Variants in ASIC2 observed in about 807,000 individuals in gnomAD.
The protein encoded by ASIC2 is acid sensing ion channel subunit 2.
In ASIC2, 25 loss-of-function variants were observed where a neutral mutation model predicts 57.3. The ratio of observed to expected loss-of-function variants is 0.44; its 90% CI spans 0.32 to 0.61. The LOEUF is 0.61. ASIC2 is among the 20% of genes least tolerant of loss of function. The pLI is 0.06. For missense variants in ASIC2, 641 were observed against 738.1 expected, an observed-to-expected ratio of 0.87 and a Z score of 1.52; for synonymous variants, 319 against 307.5, an observed-to-expected ratio of 1.04 and a Z score of -0.39.
intron 1 of ASIC2, among the ~76,000 whole-genome samples, chr17:33,799,747 T>C (rs1912076234): frequency 6.6e-6 from 1 of 151,608 alleles, no homozygotes; most frequent in Non-Finnish European, 1.5e-5. Flanking sequence ...AGTCTCAGGG[T>C]GACTATAGCT....
chr17:33,788,506 G>A (rs985829076), intron 1 of ASIC2, among the ~76,000 whole-genome samples: 4 of 152,100 alleles, frequency 2.6e-5, no homozygotes, highest in African/African-American at 7.2e-5. Flanking sequence ...GATTCCTCAA[G>A]GATCTAGAAC....
At chr17:33,436,813 C>A (rs1459203638) in intron 1 of ASIC2, among the ~76,000 whole-genome samples, 1 of 148,028 alleles carries the variant, frequency 6.8e-6, no homozygotes, top group Non-Finnish European at 1.5e-5. Flanking sequence ...CAATAGCAAC[C>A]TATAAGGAAC....
intron 1 of ASIC2, among the ~76,000 whole-genome samples, chr17:33,765,530 A>G (rs1354832839): frequency 2.0e-5 from 3 of 152,172 alleles, no homozygotes; most frequent in Non-Finnish European, 2.9e-5. Context: ...ATTTCCTGTC[A>G]CTTTCAGGAA....
At chr17:33,517,223 C>A (rs1360244451) in intron 1 of ASIC2, among the ~76,000 whole-genome samples, 1 of 152,226 alleles carries the variant, frequency 6.6e-6, no homozygotes, top group Non-Finnish European at 1.5e-5. Flanking sequence ...TCAAGTGATT[C>A]TCCTGCCTCA....
At chr17:33,972,378 TAA>T (rs1457622794) in intron 1 of ASIC2, among the ~76,000 whole-genome samples, 1 of 152,262 alleles carries the variant, frequency 6.6e-6, no homozygotes, top group South Asian at 2.1e-4. Flanking sequence ...CTCTAAACTC[TAA>T]AAGAGTAGTT....
intron 3 of ASIC2, among the ~76,000 whole-genome samples, chr17:33,054,502 C>T (rs2091990228): frequency 6.6e-6 from 1 of 152,162 alleles, no homozygotes; most frequent in Admixed American, 6.5e-5. Context: ...ATTGTGCAGT[C>T]ATGTGAGGGA....
chr17:33,482,296 C>T (rs1344672031), intron 1 of ASIC2, among the ~76,000 whole-genome samples: 2 of 152,210 alleles, frequency 1.3e-5, no homozygotes, highest in African/African-American at 4.8e-5. Flanking sequence ...ATTCACTTGC[C>T]TCTAGTCAAA....
chr17:33,493,901 C>T (rs767633211), intron 1 of ASIC2, among the ~76,000 whole-genome samples: 20 of 152,198 alleles, frequency 1.3e-4, no homozygotes, highest in South Asian at 2.1e-4. Context: ...CCAAATGTAC[C>T]CTATACAATG....
At chr17:33,340,456 T>G (rs1212880118) in intron 1 of ASIC2, among the ~76,000 whole-genome samples, 1 of 152,260 alleles carries the variant, frequency 6.6e-6, no homozygotes, top group East Asian at 1.9e-4. Context: ...AGCAACTAGG[T>G]CAGCGCTTGG....
intron 1 of ASIC2, chr17:33,689,222 T>C (rs1908289141): frequency 6.6e-6 from 1 of 152,220 alleles, no homozygotes; most frequent in South Asian, 2.1e-4. Flanking sequence ...ACTGTAGCCA[T>C]TGCATATTTA....
chr17:33,577,787 C>T lies in ASIC2; in HGVS notation c.556-465720G>A, dbSNP rs927385537. 2.0e-5 allele frequency among the ~76,000 whole-genome samples: 3 copies of T among 152,190 alleles called. No homozygotes were observed. In the East Asian group the frequency reaches 5.8e-4, roughly 29 times the overall value. On this transcript the variant is annotated intron_variant, in intron 1 of 9. Transcript: ENST00000359872. Reference sequence around the variant, plus strand: ...TGTGTTCACACCATGTTCCACCCGGCCTGCCCCCAACCTGTCTTACACCAC... The same window carrying T: ...TGTGTTCACACCATGTTCCACCCGGTCTGCCCCCAACCTGTCTTACACCAC...
At chr17:33,678,732 T>C (rs3115689) in intron 1 of ASIC2, among the ~76,000 whole-genome samples, 1 of 151,878 alleles carries the variant, frequency 6.6e-6, no homozygotes, top group Non-Finnish European at 1.5e-5. Context: ...CTGTACCAGG[T>C]GCACAGGAGC....
At chr17:34,118,812 A>G (rs1567828569) in intron 1 of ASIC2, 1 of 152,270 alleles carries the variant, frequency 6.6e-6, no homozygotes, top group Non-Finnish European at 1.5e-5. Context: ...AATCCAGGGA[A>G]CGGGTGCTCT....
In ASIC2 at chr17:34,023,749, C is replaced by T. The variant is rs184315760; in HGVS notation, c.555+132229G>A. ...GAGCCTTGACTTTGGACCTCCCAGC[C>T]TCCAGAACTGTGAGAAATAAATTTC... On this transcript the variant is annotated intron_variant, in intron 1 of 9. Coordinates refer to the ASIC2 transcript ENST00000359872. Among the ~76,000 whole-genome samples the T allele has an allele frequency of 4.5e-3, 680 of 152,246 alleles. 13 individuals are homozygous for T. Among genetic ancestry groups the T allele is most frequent in the Admixed American group, 0.038 (579 of 15,298 alleles).
At chr17:33,437,389 C>T (rs999441124) in intron 1 of ASIC2, among the ~76,000 whole-genome samples, 1 of 152,142 alleles carries the variant, frequency 6.6e-6, no homozygotes, top group Admixed American at 6.5e-5. Flanking sequence ...TTACTATAAA[C>T]ATCATTATAT....
At chr17:33,644,015 C>G (rs1466474474) in intron 1 of ASIC2, among the ~76,000 whole-genome samples, 1 of 152,180 alleles carries the variant, frequency 6.6e-6, no homozygotes, top group Non-Finnish European at 1.5e-5. Context: ...AACAAACACT[C>G]CTATTCATGT....
intron 1 of ASIC2, among the ~76,000 whole-genome samples, chr17:34,099,798 G>GA (rs147299691): frequency 0.1 from 10,190 of 99,130 alleles, 666 homozygotes; most frequent in African/African-American, 0.19. Flanking sequence ...AAGAAAGAAA[G>GA]AAAGAAAAGA....
At chr17:33,071,551 A>G (rs1331495473) in intron 3 of ASIC2, among the ~76,000 whole-genome samples, 2 of 152,150 alleles carry the variant, frequency 1.3e-5, no homozygotes, top group Non-Finnish European at 2.9e-5. Context: ...TTAATTGATT[A>G]ATTATTCTCA....
At chr17:33,913,763 G>A (rs1268401739) in intron 1 of ASIC2, among the ~76,000 whole-genome samples, 1 of 151,984 alleles carries the variant, frequency 6.6e-6, no homozygotes, top group Non-Finnish European at 1.5e-5. Context: ...ATAAGTGTAT[G>A]TCAGATACCC....
Sources: gnomAD v4.1 joint callset for allele counts (sites outside exome capture counted in the v4.1 genomes callset) on GRCh38, gnomAD v4.1.1 for gene constraint, MANE v1.5 for transcripts, NCBI Gene and HGNC (gene_info 2026-07-23, HGNC 2026-07-21) for gene names.